CYFIP1: variants seen among roughly 807,000 people sequenced by gnomAD.
CYFIP1 encodes cytoplasmic FMR1 interacting protein 1.
A neutral mutation model predicts 163.5 loss-of-function variants in CYFIP1; 58 were observed. The ratio of observed to expected loss-of-function variants is 0.35; its 90% CI spans 0.29 to 0.44. CYFIP1 has a LOEUF of 0.44. CYFIP1 is among the 20% of genes least tolerant of loss of function. CYFIP1 has a pLI of 1.00. For synonymous variants in CYFIP1, 663 were observed against 660.7 expected, an observed-to-expected ratio of 1.00 and a Z score of -0.05; for missense variants, 1,338 against 1,653.8, an observed-to-expected ratio of 0.81 and a Z score of 3.31.
chr15:22,916,273 A>G (rs2060977564), intron 16 of CYFIP1, among the ~76,000 whole-genome samples: 2 of 152,220 alleles, frequency 1.3e-5, no homozygotes, highest in Non-Finnish European at 2.9e-5. Flanking sequence ...CGGGCTCCTC[A>G]GTTTATACCC....
rs1180761776 is a variant in CYFIP1 at position 22,916,804 on chromosome 15, C to T, written c.1675-174G>A. 4.5e-6 allele frequency: 7 copies of T among 1,570,224 alleles called. No individual in the cohort carries two copies. In the African/African-American group the frequency reaches 8.2e-5, roughly 18 times the overall value. ...TGTCTACGCGGCCACGTTGCTGCTG[C>T]TTTGGGGAAAGAACAACTTGTAGCG... On this transcript the variant is annotated intron_variant, in intron 15 of 30. Coordinates refer to ENST00000617928, the MANE Select transcript of CYFIP1 (RefSeq NM_014608.6).
intron 24 of CYFIP1, among the ~76,000 whole-genome samples, chr15:22,882,634 C>G (rs1435250825): frequency 2.0e-5 from 3 of 151,956 alleles, no homozygotes; most frequent in African/African-American, 7.3e-5. Context: ...GCAAGACCCC[C>G]TCTCTACACA....
At chr15:22,887,283 A>C (rs1419259453) in intron 23 of CYFIP1, among the ~76,000 whole-genome samples, 2 of 152,142 alleles carry the variant, frequency 1.3e-5, no homozygotes, top group Non-Finnish European at 2.9e-5. Flanking sequence ...ATTAGACAAC[A>C]CTGAAGGACA....
intron 1 of CYFIP1, among the ~76,000 whole-genome samples, chr15:22,948,453 C>T (rs1482956051): frequency 6.6e-6 from 1 of 152,178 alleles, no homozygotes; most frequent in Non-Finnish European, 1.5e-5. Flanking sequence ...CCCAAGTCTC[C>T]TCAGGGTGTT....
intron 1 of CYFIP1, among the ~76,000 whole-genome samples, chr15:22,974,724 T>C: frequency 6.6e-6 from 1 of 152,176 alleles, no homozygotes; most frequent in East Asian, 1.9e-4. Context: ...AGTGAGACCC[T>C]GTCTCAAAAC....
intron 25 of CYFIP1, among the ~76,000 whole-genome samples, chr15:22,881,097 C>G (rs1172083503): frequency 1.3e-5 from 2 of 152,194 alleles, no homozygotes; most frequent in African/African-American, 4.8e-5. Context: ...TCTCCTCAAA[C>G]ACCAGCAACA....
At chr15:22,901,446 C>T (rs2060389441) in intron 22 of CYFIP1, among the ~76,000 whole-genome samples, 1 of 152,188 alleles carries the variant, frequency 6.6e-6, no homozygotes, top group Non-Finnish European at 1.5e-5. Flanking sequence ...CAGAAGTCAC[C>T]ATGAGCAGTG....
At chr15:22,875,704 C>T (rs575447073) in intron 26 of CYFIP1, among the ~76,000 whole-genome samples, 2 of 151,886 alleles carry the variant, frequency 1.3e-5, no homozygotes, top group South Asian at 2.1e-4. Context: ...AAGGAAGGGG[C>T]GTCTCCTGCA....
intron 15 of CYFIP1, chr15:22,916,968 T>C (rs980430786): frequency 6.4e-7 from 1 of 1,551,682 alleles, no homozygotes; most frequent in African/African-American, 1.4e-5. Context: ...GCCCAGAGAC[T>C]TGAGCTGCCT....
chr15:22,941,020 C>T (rs374260554), intron 6 of CYFIP1, among the ~76,000 whole-genome samples: 14 of 152,224 alleles, frequency 9.2e-5, no homozygotes, highest in African/African-American at 3.1e-4. Context: ...CCAGCCTGGG[C>T]CAGTGAGACT....
intron 1 of CYFIP1, among the ~76,000 whole-genome samples, chr15:22,956,691 C>A (rs144135427): frequency 4.6e-5 from 7 of 152,262 alleles, no homozygotes; most frequent in Non-Finnish European, 7.4e-5. Context: ...GAACGGGTGG[C>A]CACACCATCC....
intron 1 of CYFIP1, among the ~76,000 whole-genome samples, chr15:22,975,656 G>A (rs569663598): frequency 1.3e-5 from 2 of 152,216 alleles, no homozygotes; most frequent in Non-Finnish European, 2.9e-5. Context: ...CTACTTGGGA[G>A]GCTGAGGCAG....
At position 22,973,311 on chromosome 15, in the gene CYFIP1, C is replaced by CAA. The variant is rs397761069; in HGVS notation, c.-7+6974_-7+6975dup. 2.7e-3 allele frequency among the ~76,000 whole-genome samples: 192 copies of CAA among 71,696 alleles called. 2 individuals carry two copies. Among genetic ancestry groups the CAA allele is most frequent in the Middle Eastern group, 8.8e-3 (1 of 114 alleles). The allele number at this position is 71,696 out of a possible 152,430, so 47.0% of individuals were successfully genotyped here. On this transcript the variant is annotated intron_variant, in intron 1 of 30. Coordinates refer to ENST00000617928, the MANE Select transcript of CYFIP1 (RefSeq NM_014608.6). ...CCTGGGTGACAGAACGAGACCTTGT[C>CAA]AAAAAAAAAAAAAAAAAAAAAAAAG...
At position 22,933,587 on chromosome 15, in the gene CYFIP1, T is replaced by G. The variant is rs554516909; in HGVS notation, c.992+215A>C. On this transcript the variant is annotated intron_variant, in intron 10 of 30. Coordinates refer to ENST00000617928, the MANE Select transcript of CYFIP1 (RefSeq NM_014608.6). ...CCTCGGCCTCCCAAAGTGCTGGGAT[T>G]ACAGGCGTGAGCCACCGCGCCCGGC... 1.3e-5 allele frequency among the ~76,000 whole-genome samples: 2 copies of G among 152,224 alleles called. 1 individual carries two copies. Among genetic ancestry groups the G allele is most frequent in the Non-Finnish European group, 2.9e-5 (2 of 68,020 alleles).
intron 29 of CYFIP1, among the ~76,000 whole-genome samples, chr15:22,873,224 T>G (rs1347425100): frequency 1.3e-5 from 2 of 152,174 alleles, no homozygotes; most frequent in Non-Finnish European, 2.9e-5. Flanking sequence ...CTGTGATGAA[T>G]GACTCTATGG....
intron 13 of CYFIP1, among the ~76,000 whole-genome samples, chr15:22,920,089 A>C (rs2142127559): frequency 6.6e-6 from 1 of 152,164 alleles, no homozygotes; most frequent in East Asian, 1.9e-4. Flanking sequence ...GTAATAAAAA[A>C]AAACAAAAAA....
At chr15:22,975,729 A>C (rs1483661503) in intron 1 of CYFIP1, among the ~76,000 whole-genome samples, 1 of 152,220 alleles carries the variant, frequency 6.6e-6, no homozygotes, top group East Asian at 1.9e-4. Flanking sequence ...ATTGCACTCT[A>C]TCCTGGGCAA....
chr15:22,935,434 T>C (rs2061682653), intron 9 of CYFIP1, among the ~76,000 whole-genome samples: 1 of 152,046 alleles, frequency 6.6e-6, no homozygotes, highest in African/African-American at 2.4e-5. Context: ...TCCAGGGGGA[T>C]TAGATCTAGG....
chr15:22,935,276 C>A (rs530110788), intron 9 of CYFIP1, among the ~76,000 whole-genome samples: 260 of 152,260 alleles, frequency 1.7e-3, no homozygotes, highest in African/African-American at 5.9e-3. Context: ...GACAGAGAAC[C>A]TGGACAGAGC....
Sources: allele counts gnomAD v4.1 joint callset (sites outside exome capture counted in the v4.1 genomes callset), GRCh38; gene constraint gnomAD v4.1.1; transcripts MANE v1.5; gene names NCBI Gene and HGNC (gene_info 2026-07-23, HGNC 2026-07-21).